Variants in GALNTL6 observed in about 807,000 individuals in gnomAD.
GALNTL6 encodes the protein polypeptide N-acetylgalactosaminyltransferase-like 6.
GALNTL6 carries 46 observed loss-of-function variants against 73.7 expected under a neutral mutation model. The observed-to-expected ratio is 0.62, with a 90% CI of 0.49 to 0.80. GALNTL6 has a LOEUF of 0.80. GALNTL6 is among the 30% of genes least tolerant of loss of function. The probability of loss-of-function intolerance (pLI) is 0.00; values close to 1 mark genes in which losing one functional copy is unlikely to be tolerated. For synonymous variants in GALNTL6, 259 were observed against 263.7 expected, an observed-to-expected ratio of 0.98 and a Z score of 0.17; for missense variants, 604 against 755.0, an observed-to-expected ratio of 0.80 and a Z score of 2.34.
chr4:172,494,458 AG>A (rs1247643529), intron 5 of GALNTL6, among the ~76,000 whole-genome samples: 1 of 152,198 alleles, frequency 6.6e-6, no homozygotes, highest in Non-Finnish European at 1.5e-5. Context: ...TCTATTGGTC[AG>A]GGTTCTGCAG....
intron 2 of GALNTL6, among the ~76,000 whole-genome samples, chr4:171,832,237 A>G (rs186136852): frequency 8.6e-5 from 13 of 151,586 alleles, no homozygotes; most frequent in Admixed American, 7.9e-4. Context: ...ATTTGCCACC[A>G]ATATTTGCTA....
intron 5 of GALNTL6, among the ~76,000 whole-genome samples, chr4:172,658,912 C>T (rs1046607389): frequency 2.0e-5 from 3 of 152,046 alleles, no homozygotes; most frequent in Non-Finnish European, 4.4e-5. Flanking sequence ...TCAGTTTCTT[C>T]ACCTTAAAAA....
At chr4:172,254,406 G>A (rs1312884966) in intron 3 of GALNTL6, among the ~76,000 whole-genome samples, 1 of 151,578 alleles carries the variant, frequency 6.6e-6, no homozygotes, top group Non-Finnish European at 1.5e-5. Context: ...AAGTCGTTTT[G>A]CTTTGTTTTC....
At chr4:172,606,636 A>G (rs141479465) in intron 5 of GALNTL6, among the ~76,000 whole-genome samples, 3,765 of 41,056 alleles carry the variant, frequency 0.092, 97 homozygotes, top group South Asian at 0.29. Context: ...TATACTATAT[A>G]TATACTATAT....
At chr4:172,426,574 T>C (rs561424086) in intron 5 of GALNTL6, among the ~76,000 whole-genome samples, 2 of 152,070 alleles carry the variant, frequency 1.3e-5, no homozygotes, top group Non-Finnish European at 2.9e-5. Flanking sequence ...CACAGATGCA[T>C]CTAAGGAAGA....
chr4:172,186,568 T>C (rs950822288), intron 2 of GALNTL6, among the ~76,000 whole-genome samples: 3 of 152,162 alleles, frequency 2.0e-5, no homozygotes, highest in African/African-American at 4.8e-5. Flanking sequence ...CAATGGTATA[T>C]TATTCAACCA....
rs551002945 is a variant in GALNTL6 at position 172,397,409 on chromosome 4, C to G, written c.553+48720C>G. Among the ~76,000 whole-genome samples, 3 of 152,228 alleles carry G rather than the reference C, an allele frequency of 2.0e-5. No homozygotes were observed. In the East Asian group the frequency reaches 5.8e-4, roughly 29 times the overall value. ...GTTAGCGTGCATAATCATTGAAACA[C>G]TGGGAGCCACATGCTAATTTCTTAC... is the stretch of plus-strand genomic sequence containing the variant. On this transcript the variant is annotated intron_variant, in intron 5 of 12. Transcript: ENST00000506823.
At chr4:172,845,999 C>G (rs1743487557) in intron 7 of GALNTL6, among the ~76,000 whole-genome samples, 1 of 152,130 alleles carries the variant, frequency 6.6e-6, no homozygotes, top group Admixed American at 6.5e-5. Context: ...ACGTTTATAA[C>G]AGTGAAGTTT....
At chr4:171,829,908 A>T (rs1734923296) in intron 2 of GALNTL6, among the ~76,000 whole-genome samples, 1 of 152,078 alleles carries the variant, frequency 6.6e-6, no homozygotes, top group South Asian at 2.1e-4. Context: ...TAAAATGCAG[A>T]GGTCATTCTA....
chr4:172,542,300 C>A, intron 5 of GALNTL6, among the ~76,000 whole-genome samples: 1 of 152,058 alleles, frequency 6.6e-6, no homozygotes, highest in East Asian at 1.9e-4. Flanking sequence ...TGCACACAGG[C>A]TTTCCAGTTG....
intron 5 of GALNTL6, among the ~76,000 whole-genome samples, chr4:172,805,371 G>A (rs1740895764): frequency 6.6e-6 from 1 of 152,136 alleles, no homozygotes; most frequent in African/African-American, 2.4e-5. Context: ...GCTAAATTTG[G>A]TATTCACAGT....
At chr4:172,325,753 A>G (rs957099660) in intron 4 of GALNTL6, among the ~76,000 whole-genome samples, 1 of 151,940 alleles carries the variant, frequency 6.6e-6, no homozygotes, top group African/African-American at 2.4e-5. Flanking sequence ...AACAATCACT[A>G]AAATGTTATG....
chr4:173,002,386 C>G (rs899470591), intron 10 of GALNTL6, among the ~76,000 whole-genome samples: 8 of 151,408 alleles, frequency 5.3e-5, no homozygotes, highest in Non-Finnish European at 1.0e-4. Flanking sequence ...GAGACTCCAT[C>G]TCAAGAAAAA....
At chr4:172,374,821 T>A (rs923212356) in intron 5 of GALNTL6, among the ~76,000 whole-genome samples, 5 of 152,218 alleles carry the variant, frequency 3.3e-5, no homozygotes, top group African/African-American at 7.2e-5. Context: ...GGGTTTGATC[T>A]AACAGTAGCA....
chr4:172,826,642 G>C (rs146038235), intron 7 of GALNTL6, among the ~76,000 whole-genome samples: 3 of 152,294 alleles, frequency 2.0e-5, no homozygotes, highest in Admixed American at 2.0e-4. Context: ...CTGTGGGGAT[G>C]GGGGGAACGG....
intron 5 of GALNTL6, among the ~76,000 whole-genome samples, chr4:172,420,142 G>A (rs563182985): frequency 2.6e-4 from 39 of 152,298 alleles, no homozygotes; most frequent in Non-Finnish European, 5.6e-4. Flanking sequence ...TGGAACTCAT[G>A]TAATTTTCTC....
intron 5 of GALNTL6, among the ~76,000 whole-genome samples, chr4:172,459,837 T>G (rs1024809805): frequency 4.6e-5 from 7 of 152,160 alleles, no homozygotes; most frequent in Non-Finnish European, 7.4e-5. Context: ...ACCATTGACT[T>G]TCTTCACAGA....
intron 2 of GALNTL6, among the ~76,000 whole-genome samples, chr4:171,969,015 T>G (rs927379216): frequency 5.3e-5 from 8 of 152,098 alleles, no homozygotes; most frequent in Admixed American, 5.2e-4. Context: ...TTTTGTATTT[T>G]TAGTAGTGGT....
chr4:172,251,426 G>A (rs1214299978), intron 3 of GALNTL6, among the ~76,000 whole-genome samples: 2 of 152,012 alleles, frequency 1.3e-5, no homozygotes, highest in Admixed American at 6.6e-5. Context: ...CAGCCAAGTT[G>A]ACCCATAAAA....
Sources: allele counts gnomAD v4.1 joint callset (sites outside exome capture counted in the v4.1 genomes callset), GRCh38; gene constraint gnomAD v4.1.1; transcripts MANE v1.5; gene names NCBI Gene and HGNC (gene_info 2026-07-23, HGNC 2026-07-21).